The following RAPGEF4 variants were observed in gnomAD, a reference collection of about 807,000 sequenced individuals.
RAPGEF4 encodes Rap guanine nucleotide exchange factor 4.
A neutral mutation model predicts 147.9 loss-of-function variants in RAPGEF4; 66 were observed. The ratio of observed to expected loss-of-function variants is 0.45; its 90% CI spans 0.37 to 0.55. RAPGEF4 has a LOEUF of 0.55. Ranked by LOEUF, RAPGEF4 falls within the 20% of genes least tolerant of loss-of-function variation. RAPGEF4 has a pLI of 0.00. For missense variants in RAPGEF4, 1,071 were observed against 1,257.3 expected (o/e 0.85, Z 2.24); for synonymous variants, 419 against 442.7 (o/e 0.95, Z 0.67).
rs576999982 is a variant in RAPGEF4, at chr2:172,803,226, G to T, written c.297+5613G>T. On this transcript the variant is annotated intron_variant, in intron 3 of 30. Transcript: ENST00000397081. ...CACATTTCCCTTCCGCACTGCCCTA[G>T]CAGACGTTCTCCATGAAAGCCCTGC... is the stretch of plus-strand genomic sequence containing the variant. Among the ~76,000 whole-genome samples, 9 of 152,338 alleles carry T rather than the reference G, an allele frequency of 5.9e-5. No individual in the cohort carries two copies. In the South Asian group the frequency reaches 1.7e-3, roughly 28 times the overall value.
chr2:172,950,809 C>T (rs1356817634), intron 6 of RAPGEF4, among the ~76,000 whole-genome samples: 3 of 152,168 alleles, frequency 2.0e-5, no homozygotes, highest in African/African-American at 7.2e-5. Context: ...ATTTAGATAA[C>T]ATAAATGTTG....
At chr2:172,936,607 AT>A (rs1159374613) in intron 6 of RAPGEF4, among the ~76,000 whole-genome samples, 41 of 151,280 alleles carry the variant, frequency 2.7e-4, no homozygotes, top group Admixed American at 2.4e-3. Context: ...TTTTGCAATA[AT>A]TTTTTTTAAA....
At chr2:172,851,617 A>G (rs1399069169) in intron 4 of RAPGEF4, among the ~76,000 whole-genome samples, 1 of 152,232 alleles carries the variant, frequency 6.6e-6, no homozygotes, top group Non-Finnish European at 1.5e-5. Flanking sequence ...CACAGCCATA[A>G]AAAAGAATGA....
At chr2:172,976,766 A>G (rs1025715398) in intron 10 of RAPGEF4, among the ~76,000 whole-genome samples, 3 of 152,194 alleles carry the variant, frequency 2.0e-5, no homozygotes, top group African/African-American at 7.2e-5. Flanking sequence ...CCATGTTCCA[A>G]TAACTGAGAA....
At chr2:172,764,656 G>A (rs899374778) in intron 1 of RAPGEF4, among the ~76,000 whole-genome samples, 1 of 152,168 alleles carries the variant, frequency 6.6e-6, no homozygotes, top group Admixed American at 6.5e-5. Flanking sequence ...GAGCATCCAT[G>A]CCTGAACTCT....
chr2:172,875,529 G>T (rs1249292085), intron 4 of RAPGEF4, among the ~76,000 whole-genome samples: 1 of 151,986 alleles, frequency 6.6e-6, no homozygotes. Flanking sequence ...GCTTGTTTTT[G>T]TCAGGTTTGT....
intron 1 of RAPGEF4, among the ~76,000 whole-genome samples, chr2:172,753,629 T>C (rs944671186): frequency 1.3e-5 from 2 of 152,092 alleles, no homozygotes; most frequent in Non-Finnish European, 2.9e-5. Context: ...TTTCATAGGA[T>C]TGATATTGTA....
intron 16 of RAPGEF4, among the ~76,000 whole-genome samples, chr2:172,998,453 C>G (rs1693583056): frequency 1.3e-5 from 2 of 152,158 alleles, no homozygotes; most frequent in African/African-American, 4.8e-5. Flanking sequence ...GTGGCTCATG[C>G]CTGTAATCCC....
chr2:172,886,860 A>G (rs574923669), intron 4 of RAPGEF4, among the ~76,000 whole-genome samples: 35 of 152,180 alleles, frequency 2.3e-4, no homozygotes, highest in African/African-American at 7.5e-4. Flanking sequence ...TCTCACTTCC[A>G]CTTTTACGTG....
chr2:172,929,573 C>G (rs1221048390), intron 6 of RAPGEF4, among the ~76,000 whole-genome samples: 1 of 152,132 alleles, frequency 6.6e-6, no homozygotes, highest in Admixed American at 6.6e-5. Context: ...ATGTCTAAAT[C>G]CTTTTTAGTT....
chr2:172,992,754 C>T (rs1015477325), intron 15 of RAPGEF4, among the ~76,000 whole-genome samples: 2 of 152,062 alleles, frequency 1.3e-5, no homozygotes, highest in African/African-American at 4.8e-5. Context: ...AAATTTCTTC[C>T]GCAATTCAAA....
rs745666875 is a variant in RAPGEF4 at position 172,924,577 on chromosome 2, GTTA to G, written c.537+2281_537+2283del. ...TAGAGTAGATGTATCATCACCATGTGTTATTAGGAAAGCTCTCCAATGCCATCA... is the reference window on the plus strand; with the variant it reads ...TAGAGTAGATGTATCATCACCATGTGTTAGGAAAGCTCTCCAATGCCATCA... On this transcript the variant is annotated intron_variant, in intron 6 of 30. Coordinates refer to ENST00000397081, the MANE Select transcript of RAPGEF4 (RefSeq NM_007023.4). Among the ~76,000 whole-genome samples, 8 of 152,162 alleles carry G rather than the reference GTTA, an allele frequency of 5.3e-5. No homozygotes were observed. In the East Asian group the frequency reaches 1.5e-3, roughly 29 times the overall value.
rs568046638 is a variant in RAPGEF4 at position 172,797,635 on chromosome 2, A to G, written c.297+22A>G. 5.8e-6 allele frequency: 9 copies of G among 1,563,898 alleles called. No individual in the cohort carries two copies. The East Asian group carries it at 1.8e-4, about 31-fold the overall frequency. On this transcript the variant is annotated intron_variant, in intron 3 of 30. Transcript: ENST00000397081. The stretch of plus-strand genomic sequence containing the variant: ...CCAGGTAATATGGTCTATTTTTTTG[A>G]AAGTAGGATTTATTTTTTTTAAAGA...
intron 1 of RAPGEF4, among the ~76,000 whole-genome samples, chr2:172,746,843 C>T (rs1694819861): frequency 6.6e-6 from 1 of 152,100 alleles, no homozygotes; most frequent in African/African-American, 2.4e-5. Flanking sequence ...GAACTCCTGA[C>T]CTCAGGTGAT....
chr2:172,783,765 TGTATGTGTGA>T (rs1228110725), intron 1 of RAPGEF4, among the ~76,000 whole-genome samples: 24 of 146,860 alleles, frequency 1.6e-4, no homozygotes, highest in African/African-American at 5.6e-4. Flanking sequence ...TGTGCTTGTG[TGTATGTGTGA>T]GTGTGTGTGT....
chr2:173,016,154 A>C (rs756281779), intron 18 of RAPGEF4, among the ~76,000 whole-genome samples, 195 bp from the exon 19 acceptor site: 1 of 152,038 alleles, frequency 6.6e-6, no homozygotes, highest in Non-Finnish European at 1.5e-5. Flanking sequence ...CTATTTCCAA[A>C]ATTTTTTCTC....
chr2:172,888,355 G>C lies in RAPGEF4; in HGVS notation c.445-29447G>C, dbSNP rs541468955. ...TGATGCCCAGCTCTCCTGTATCTCAGTCTGTTGTCCTTTCCATGTGCGACA... is the reference window on the plus strand; with the variant it reads ...TGATGCCCAGCTCTCCTGTATCTCACTCTGTTGTCCTTTCCATGTGCGACA... On this transcript the variant is annotated intron_variant, in intron 4 of 30. Coordinates refer to ENST00000397081, the MANE Select transcript of RAPGEF4 (RefSeq NM_007023.4). Among the ~76,000 whole-genome samples the C allele has an allele frequency of 2.0e-5, 3 of 152,350 alleles. No individual in the cohort carries two copies. The South Asian group carries it at 6.2e-4, about 32-fold the overall frequency.
At chr2:172,908,923 C>G (rs1052071345) in intron 4 of RAPGEF4, among the ~76,000 whole-genome samples, 1 of 152,134 alleles carries the variant, frequency 6.6e-6, no homozygotes, top group Non-Finnish European at 1.5e-5. Flanking sequence ...CTTCTAAGAC[C>G]CTTGAAAGTC....
chr2:172,996,309 G>A (rs73017509), intron 15 of RAPGEF4, among the ~76,000 whole-genome samples, 157 bp from the exon 16 acceptor site: 99 of 151,750 alleles, frequency 6.5e-4, no homozygotes, highest in African/African-American at 2.2e-3. Context: ...TTGTCTTCTT[G>A]TGTGACTTTG....
Sources: allele counts gnomAD v4.1 joint callset (sites outside exome capture counted in the v4.1 genomes callset), GRCh38; gene constraint gnomAD v4.1.1; transcripts MANE v1.5; gene names NCBI Gene and HGNC (gene_info 2026-07-23, HGNC 2026-07-21).